The following SCTR variants were observed in gnomAD, a reference collection of about 807,000 sequenced individuals.
The protein encoded by SCTR is pancreatic secretin receptor.
SCTR carries 56 observed loss-of-function variants against 60.8 expected under a neutral mutation model. The observed-to-expected ratio is 0.92, with a 90% CI of 0.74 to 1.15. The LOEUF (loss-of-function observed/expected upper bound fraction) is 1.15, where lower values mean the gene tolerates loss of function less well. SCTR is among the 50% of genes most tolerant of loss of function. SCTR has a pLI of 0.00. For missense variants in SCTR, 562 were observed against 550.4 expected (o/e 1.02, Z -0.21); for synonymous variants, 202 against 217.0 (o/e 0.93, Z 0.61).
At chr2:119,510,762 G>A (rs1466570858) in intron 1 of SCTR, among the ~76,000 whole-genome samples, 1 of 151,814 alleles carries the variant, frequency 6.6e-6, no homozygotes, top group Non-Finnish European at 1.5e-5. Context: ...TAACCACACT[G>A]AGCCTTTTTT....
chr2:119,490,091 G>A (rs953831732), intron 2 of SCTR, among the ~76,000 whole-genome samples: 2 of 152,168 alleles, frequency 1.3e-5, no homozygotes, highest in African/African-American at 4.8e-5. Context: ...TGTCCCAGAC[G>A]CAGTTTCCGG....
At chr2:119,455,229 T>C (rs1683328863) in intron 7 of SCTR, among the ~76,000 whole-genome samples, 1 of 152,166 alleles carries the variant, frequency 6.6e-6, no homozygotes, top group Non-Finnish European at 1.5e-5. Flanking sequence ...AAGGATTCTC[T>C]AGAGGAACTG....
chr2:119,494,515 G>A lies in SCTR; in HGVS notation c.106C>T (p.Gln36Ter), dbSNP rs755036392. 6.2e-7 allele frequency: 1 copy of A among 1,614,096 alleles called. No individual in the cohort carries two copies. Among genetic ancestry groups the A allele is most frequent in the South Asian group, 1.1e-5 (1 of 91,078 alleles). ...GALPRLCDVLQVLWEEQDQCL... is the reference protein window; with the variant it reads ...GALPRLCDVL ...TGGTCTTGCTCTTCCCACAGCACTT[G>A]TAGCACGTCACATAGTCGGGGAAGG... is the stretch of plus-strand genomic sequence containing the variant. Residue 36 changes from glutamine (Q) to a stop codon, truncating the protein, a stop_gained, in exon 2 of 13, where the codon CAA (glutamine) becomes TAA (stop). Coordinates refer to ENST00000019103, the MANE Select transcript of SCTR (RefSeq NM_002980.3). LOFTEE classifies it high-confidence loss of function.
chr2:119,473,611 C>T lies in SCTR; in HGVS notation c.302-55G>A, dbSNP rs1677126344. 2.8e-6 allele frequency: 3 copies of T among 1,057,508 alleles called. No homozygotes were observed. In the African/African-American group the frequency reaches 4.7e-5, roughly 16 times the overall value. 65.5% of individuals were successfully genotyped at this position (1,057,508 alleles called of 1,614,324 possible). ...CCATGGGCCCAGGCACTGTGATTTT[C>T]ATAGTAACATCTATTGTAACATGTA... is the stretch of plus-strand genomic sequence containing the variant. On this transcript the variant is annotated intron_variant, in intron 3 of 12. Coordinates refer to ENST00000019103, the MANE Select transcript of SCTR (RefSeq NM_002980.3).
At chr2:119,521,882 G>A (rs749184549) in intron 1 of SCTR, among the ~76,000 whole-genome samples, 15 of 152,254 alleles carry the variant, frequency 9.9e-5, no homozygotes, top group Non-Finnish European at 2.1e-4. Flanking sequence ...TATTACAGGA[G>A]TTCTCAGCCA....
At chr2:119,466,986 C>T (rs1474239761) in intron 4 of SCTR, among the ~76,000 whole-genome samples, 1 of 152,172 alleles carries the variant, frequency 6.6e-6, no homozygotes, top group African/African-American at 2.4e-5. Context: ...ATACATTGCG[C>T]GCCTATGCAG....
chr2:119,449,414 CT>C lies in SCTR; in HGVS notation c.922-635del, dbSNP rs920967683. On this transcript the variant is annotated intron_variant, in intron 9 of 12. Coordinates refer to ENST00000019103, the MANE Select transcript of SCTR (RefSeq NM_002980.3). ...TGCTGTGTAAGAGCACTTAAAATAT[CT>C]TTTTTTTTCTTGCGAACTATGATTG... 7.0e-4 allele frequency among the ~76,000 whole-genome samples: 104 copies of C among 148,700 alleles called. 4 individuals carry two copies. The East Asian group carries it at 0.016, about 23-fold the overall frequency.
At chr2:119,461,536 A>G (rs1683602313) in intron 7 of SCTR, among the ~76,000 whole-genome samples, 1 of 152,090 alleles carries the variant, frequency 6.6e-6, no homozygotes, top group Non-Finnish European at 1.5e-5. Context: ...ACAGGGCGAA[A>G]CCCTGTCTCT....
chr2:119,482,330 G>T (rs1421398668), intron 2 of SCTR, among the ~76,000 whole-genome samples: 1 of 152,210 alleles, frequency 6.6e-6, no homozygotes, highest in Non-Finnish European at 1.5e-5. Context: ...AAGTGGGAGG[G>T]CCCAGAGAGG....
Position 119,440,094 on chromosome 2 carries a change from G to A in SCTR, c.*23C>T, listed in dbSNP as rs1042656. 1,061,190 of 1,608,490 alleles carry A rather than the reference G, an allele frequency of 0.66. 354,605 individuals carry two copies. Among genetic ancestry groups the A allele is most frequent in the Non-Finnish European group, 0.69 (810,164 of 1,176,906 alleles). On this transcript the variant is annotated 3_prime_UTR_variant, in exon 13 of 13. Transcript: ENST00000019103. The stretch of plus-strand genomic sequence containing the variant: ...GCAGGACCTCTCTTGGTCTCTGTCC[G>A]TGGGTGACCCTGCTCCAGCCTCTCA...
chr2:119,464,976 G>T (rs1683770679), intron 5 of SCTR, among the ~76,000 whole-genome samples: 1 of 152,204 alleles, frequency 6.6e-6, no homozygotes, highest in African/African-American at 2.4e-5. Context: ...CTCCTCTGCT[G>T]CAGGGGACAG....
chr2:119,440,135 G>T lies in SCTR; in HGVS notation c.1305C>A (p.Cys435Ter). 1 of 1,613,926 alleles carries T rather than the reference G, an allele frequency of 6.2e-7. No individual in the cohort carries two copies. The highest frequency in any genetic ancestry group is 2.2e-5 in the East Asian group (1 of 44,882). The change falls in exon 13 of 13, where the codon TGC becomes TGA. Residue 435 changes from cysteine (C) to a stop codon, truncating the protein, a stop_gained. Transcript: ENST00000019103. LOFTEE classifies it high-confidence loss of function. ...ASHLEQSQGT[C>*]RTSII The stretch of plus-strand genomic sequence containing the variant: ...CAGCCTCTCAGATGATGCTGGTCCT[G>T]CAGGTGCCCTGGCTCTGCTCCAAGT...
chr2:119,450,712 G>A (rs1683129858), intron 9 of SCTR, among the ~76,000 whole-genome samples: 1 of 152,056 alleles, frequency 6.6e-6, no homozygotes, highest in African/African-American at 2.4e-5. Context: ...GTTCACACCT[G>A]CAATTTCAGC....
At chr2:119,475,219 G>A (rs1342016074) in intron 3 of SCTR, among the ~76,000 whole-genome samples, 6 of 152,210 alleles carry the variant, frequency 3.9e-5, no homozygotes, top group Non-Finnish European at 4.4e-5. Flanking sequence ...TTGTCAGATG[G>A]GAAACAACGG....
chr2:119,478,783 C>T (rs375354773), intron 3 of SCTR, 28 bp downstream of exon 3: 89 of 1,611,202 alleles, frequency 5.5e-5, no homozygotes, highest in African/African-American at 4.0e-4. Flanking sequence ...TCAGCCTGTC[C>T]GCCAGGCCCC....
At chr2:119,504,429 A>G (rs1678662770) in intron 1 of SCTR, among the ~76,000 whole-genome samples, 1 of 151,972 alleles carries the variant, frequency 6.6e-6, no homozygotes, top group African/African-American at 2.4e-5. Flanking sequence ...CCCACCTACT[A>G]AAAACACAAA....
Position 119,466,037 on chromosome 2 carries a change from G to A in SCTR, c.406-151C>T, listed in dbSNP as rs1360457279. 27 of 604,418 alleles carry A rather than the reference G, an allele frequency of 4.5e-5. No individual in the cohort carries two copies. The East Asian group carries it at 6.4e-4, about 14-fold the overall frequency. The allele number at this position is 604,418 out of a possible 1,614,324, so 37.4% of individuals were successfully genotyped here. ...CGCCAATTCACAGACACATAACACC[G>A]TAACATCCTGGCATTGGAAAAGCCC... On this transcript the variant is annotated intron_variant, in intron 4 of 12. Coordinates refer to ENST00000019103, the MANE Select transcript of SCTR (RefSeq NM_002980.3).
chr2:119,490,999 A>G (rs1488524516), intron 2 of SCTR, among the ~76,000 whole-genome samples: 1 of 151,702 alleles, frequency 6.6e-6, no homozygotes, highest in Non-Finnish European at 1.5e-5. Flanking sequence ...ATGATGCAAC[A>G]TTTGCCAGCT....
chr2:119,519,693 C>T (rs1441145606), intron 1 of SCTR, among the ~76,000 whole-genome samples: 1 of 151,556 alleles, frequency 6.6e-6, no homozygotes, highest in Non-Finnish European at 1.5e-5. Flanking sequence ...GTAGTCCCAG[C>T]TACTCAGGAG....
Sources: gnomAD v4.1 joint callset for allele counts (sites outside exome capture counted in the v4.1 genomes callset) on GRCh38, gnomAD v4.1.1 for gene constraint, MANE v1.5 for transcripts, NCBI Gene and HGNC (gene_info 2026-07-23, HGNC 2026-07-21) for gene names.